Variants in SMPD3 observed in about 807,000 individuals in gnomAD.
SMPD3 encodes sphingomyelin phosphodiesterase 3.
SMPD3 carries 21 observed loss-of-function variants against 55.7 expected under a neutral mutation model. The observed-to-expected ratio is 0.38, with a 90% CI of 0.27 to 0.54. The LOEUF is 0.54. Among genes scored for constraint, SMPD3 ranks in the 20% least tolerant of loss-of-function variants. The pLI, the probability that SMPD3 is intolerant of heterozygous loss-of-function variation, is 0.80. For synonymous variants in SMPD3, 457 were observed against 404.3 expected, an observed-to-expected ratio of 1.13 and a Z score of -1.56; for missense variants, 842 against 899.6, an observed-to-expected ratio of 0.94 and a Z score of 0.82.
rs2090240375 is a variant in SMPD3, at chr16:68,404,863, G to T, written c.-268-18204C>A. ...ACACTGTGTGGGAGACTTGTCCTTG[G>T]CAGCAGTAGAAATGGGGCGGCTCTG... On this transcript the variant is annotated intron_variant, in intron 1 of 8. Coordinates refer to ENST00000219334, the MANE Select transcript of SMPD3 (RefSeq NM_018667.4). This position sits in a 1 kb window ranked among gnomAD's most constrained non-coding sequence, Gnocchi z 4.0. Among the ~76,000 whole-genome samples the T allele has an allele frequency of 6.6e-6, 1 of 152,200 alleles. No homozygotes were observed. Among genetic ancestry groups the T allele is most frequent in the South Asian group, 2.1e-4 (1 of 4,830 alleles).
At chr16:68,363,431 C>A (rs1488779347) in intron 7 of SMPD3, 65 bp downstream of exon 7, 1 of 1,580,464 alleles carries the variant, frequency 6.3e-7, no homozygotes, top group East Asian at 2.2e-5. Context: ...GTGGGTCCTG[C>A]CCAGTCCCTG....
chr16:68,427,388 G>A (rs2090444575), intron 1 of SMPD3, among the ~76,000 whole-genome samples: 1 of 152,196 alleles, frequency 6.6e-6, no homozygotes, highest in Admixed American at 6.5e-5. Context: ...AGAACTGGGA[G>A]GAATAATGAA....
At chr16:68,395,724 G>A (rs2090150521) in intron 1 of SMPD3, among the ~76,000 whole-genome samples, 1 of 152,152 alleles carries the variant, frequency 6.6e-6, no homozygotes, top group African/African-American at 2.4e-5. Context: ...AATACATCAA[G>A]GGAAAAGTAA....
Position 68,363,575 on chromosome 16 carries a change from G to A in SMPD3, c.1646-16C>T, listed in dbSNP as rs371477786. The A allele has an allele frequency of 1.9e-6, 3 of 1,610,886 alleles. No individual in the cohort carries two copies. The African/African-American group carries it at 4.0e-5, about 22-fold the overall frequency. ...AGCAGAGTACCTGGGGGGGACGAGG[G>A]GGTGACAGTGGTCGCTGCAGGCAGG... is the stretch of plus-strand genomic sequence containing the variant. On this transcript the variant is annotated splice_polypyrimidine_tract_variant and intron_variant, in intron 6 of 8. Coordinates refer to ENST00000219334, the MANE Select transcript of SMPD3 (RefSeq NM_018667.4).
chr16:68,401,720 G>C (rs2090207634), intron 1 of SMPD3, among the ~76,000 whole-genome samples: 1 of 152,152 alleles, frequency 6.6e-6, no homozygotes, highest in Admixed American at 6.5e-5. Context: ...GAATTTCATA[G>C]GTACAAGGCA....
intron 1 of SMPD3, among the ~76,000 whole-genome samples, chr16:68,416,157 G>GT (rs2090337101): frequency 6.6e-6 from 1 of 152,214 alleles, no homozygotes; most frequent in Admixed American, 6.5e-5. Flanking sequence ...ACAGTAACAG[G>GT]TTGCTGCTGC....
intron 3 of SMPD3, among the ~76,000 whole-genome samples, chr16:68,366,614 C>T (rs939150283): frequency 3.3e-5 from 5 of 152,208 alleles, no homozygotes; most frequent in Admixed American, 6.5e-5. Context: ...GCCTGTAATC[C>T]CAGTACTTTG....
At chr16:68,389,986 G>A (rs1464573578) in intron 1 of SMPD3, among the ~76,000 whole-genome samples, 4 of 152,226 alleles carry the variant, frequency 2.6e-5, no homozygotes. Flanking sequence ...AGCCCAGAGG[G>A]TGCTGGTTGG....
At chr16:68,370,379 G>T (rs546474694) in intron 3 of SMPD3, 1 of 160,816 alleles carries the variant, frequency 6.2e-6, no homozygotes, top group Admixed American at 5.7e-5. Flanking sequence ...AGACCTGAGG[G>T]TCCCGTCTGC....
chr16:68,444,323 C>T (rs2090592491), intron 1 of SMPD3, among the ~76,000 whole-genome samples: 1 of 152,124 alleles, frequency 6.6e-6, no homozygotes, highest in Non-Finnish European at 1.5e-5. Context: ...GGAAATTTTC[C>T]GAGAAAAGCT....
intron 1 of SMPD3, among the ~76,000 whole-genome samples, chr16:68,436,165 A>G (rs904978710): frequency 1.8e-4 from 27 of 152,246 alleles, no homozygotes; most frequent in African/African-American, 6.5e-4. Context: ...TCAGAGCACC[A>G]GATTAGGAAA....
intron 1 of SMPD3, among the ~76,000 whole-genome samples, chr16:68,419,048 G>T (rs1422082942): frequency 2.0e-5 from 3 of 152,166 alleles, no homozygotes; most frequent in Non-Finnish European, 4.4e-5. Context: ...CCCCAGTATG[G>T]TCTATTTGTA....
chr16:68,426,961 T>C (rs1179293971), intron 1 of SMPD3, among the ~76,000 whole-genome samples: 3 of 152,020 alleles, frequency 2.0e-5, no homozygotes, highest in Non-Finnish European at 1.5e-5. Flanking sequence ...AGCAGCCTAT[T>C]TTAAATCAGA....
intron 2 of SMPD3, among the ~76,000 whole-genome samples, chr16:68,376,564 A>G (rs1438929783): frequency 6.6e-6 from 1 of 152,224 alleles, no homozygotes; most frequent in Admixed American, 6.5e-5. Context: ...GTCCACAGTT[A>G]TCCATGGATT....
At position 68,371,607 on chromosome 16, in the gene SMPD3, C is replaced by T. The variant is rs778220285; in HGVS notation, c.575G>A (p.Gly192Asp). ...ASFSSLVSPQ[G>D]GDGVARAVPG... is the part of the protein sequence containing the mutation. ...GACGGCCCGGGCCACCCCATCGCCG[C>T]CCTGTGGTGACACCAGGCTGCTGAA... The change falls in exon 3 of 9, where the codon GGC becomes GAC. Residue 192 changes from glycine (G) to aspartate (D), a missense_variant. Transcript: ENST00000219334. The T allele has an allele frequency of 8.3e-6, 13 of 1,567,678 alleles. No homozygotes were observed. Among genetic ancestry groups the T allele is most frequent in the Non-Finnish European group, 1.1e-5 (13 of 1,157,874 alleles).
intron 1 of SMPD3, among the ~76,000 whole-genome samples, chr16:68,423,797 G>A (rs977140879): frequency 1.3e-5 from 2 of 152,106 alleles, no homozygotes; most frequent in Non-Finnish European, 2.9e-5. Context: ...TCCAGACCCC[G>A]TGGGGCACTC....
chr16:68,440,060 T>C (rs745599342), intron 1 of SMPD3, among the ~76,000 whole-genome samples: 5 of 152,206 alleles, frequency 3.3e-5, no homozygotes, highest in Non-Finnish European at 7.3e-5. Flanking sequence ...GTTACTGATA[T>C]CCTACGTTTT....
chr16:68,446,014 G>A (rs773692358), intron 1 of SMPD3, among the ~76,000 whole-genome samples: 6 of 152,162 alleles, frequency 3.9e-5, no homozygotes, highest in African/African-American at 7.2e-5. Context: ...GACCAGCAAC[G>A]TCAGCGCCAT....
At chr16:68,439,404 G>T (rs1167669718) in intron 1 of SMPD3, among the ~76,000 whole-genome samples, 1 of 152,168 alleles carries the variant, frequency 6.6e-6, no homozygotes, top group Non-Finnish European at 1.5e-5. Flanking sequence ...TCCATCATTT[G>T]GCATTTGTTG....
Sources: allele counts gnomAD v4.1 joint callset (sites outside exome capture counted in the v4.1 genomes callset), GRCh38; gene constraint gnomAD v4.1.1; non-coding constraint Gnocchi (gnomAD v3.1); transcripts MANE v1.5; gene names NCBI Gene and HGNC (gene_info 2026-07-23, HGNC 2026-07-21).